The following SLCO1A2 variants were observed in gnomAD, a reference collection of about 807,000 sequenced individuals.
SLCO1A2 encodes the protein solute carrier organic anion transporter family member 1A2, also known as OATP-1.
In SLCO1A2, 67 loss-of-function variants were observed where a neutral mutation model predicts 69.0. That is an observed-to-expected ratio of 0.97 (90% CI 0.80 to 1.19). SLCO1A2 has a LOEUF of 1.19. Among genes scored for constraint, SLCO1A2 ranks in the 50% most tolerant of loss-of-function variants. The pLI is 0.00. For synonymous variants in SLCO1A2, 260 were observed against 265.9 expected (o/e 0.98, Z 0.22); for missense variants, 787 against 793.7 (o/e 0.99, Z 0.10).
intron 12 of SLCO1A2, among the ~76,000 whole-genome samples, chr12:21,286,648 G>A (rs1462375200): frequency 4.6e-5 from 6 of 129,174 alleles, no homozygotes; most frequent in Non-Finnish European, 9.6e-5. Flanking sequence ...CACGGTACTG[G>A]TACCAAAACA....
intron 2 of SLCO1A2, among the ~76,000 whole-genome samples, chr12:21,342,941 C>G (rs1256417391): frequency 6.6e-6 from 1 of 152,016 alleles, no homozygotes; most frequent in Non-Finnish European, 1.5e-5. Flanking sequence ...GGGAAAAGTA[C>G]ACTCAATTTC....
intron 12 of SLCO1A2, among the ~76,000 whole-genome samples, chr12:21,279,392 T>C (rs1448720009): frequency 6.6e-6 from 1 of 152,064 alleles, no homozygotes; most frequent in African/African-American, 2.4e-5. Context: ...AACCCAAAGA[T>C]TACCTCAAGG....
intron 2 of SLCO1A2, among the ~76,000 whole-genome samples, chr12:21,364,785 C>T (rs373420554): frequency 6.6e-6 from 1 of 152,252 alleles, no homozygotes; most frequent in East Asian, 1.9e-4. Flanking sequence ...CATGAGTGAA[C>T]TCCATTCACA....
At chr12:21,297,263 C>T in intron 9 of SLCO1A2, 141 bp downstream of exon 9, 2 of 435,668 alleles carry the variant, frequency 4.6e-6, no homozygotes, top group Non-Finnish European at 8.0e-6. Context: ...TTCTTTCTTT[C>T]TTTCTTGAGA....
chr12:21,328,547 C>T (rs1055524029), intron 2 of SLCO1A2, among the ~76,000 whole-genome samples: 5 of 152,060 alleles, frequency 3.3e-5, no homozygotes, highest in African/African-American at 4.8e-5. Flanking sequence ...ATTCTCCTGG[C>T]GTGAGCAGGT....
chr12:21,382,007 A>G (rs1025361921), intron 1 of SLCO1A2, among the ~76,000 whole-genome samples: 13 of 152,206 alleles, frequency 8.5e-5, no homozygotes, highest in Non-Finnish European at 1.6e-4. Flanking sequence ...CAGTGATTAT[A>G]TGAAAAACAC....
chr12:21,334,709 C>G lies in SLCO1A2; in HGVS notation c.-62G>C, dbSNP rs1381593416. ...AAATCTTGATATGTCTTACTTCTACCCTTTCAAGCAAACAAAAAAATATGT... is the reference window on the plus strand; with the variant it reads ...AAATCTTGATATGTCTTACTTCTACGCTTTCAAGCAAACAAAAAAATATGT... On this transcript the variant is annotated splice_region_variant and 5_prime_UTR_variant, in exon 2 of 15. Transcript: ENST00000683939. 7.3e-7 allele frequency: 1 copy of G among 1,361,970 alleles called. No homozygotes were observed. The highest frequency in any genetic ancestry group is 1.3e-5 in the South Asian group (1 of 76,262). The allele number at this position is 1,361,970 out of a possible 1,614,324, so 84.4% of individuals were successfully genotyped here. A position where few individuals can be genotyped will look rare whatever the true frequency, so the allele number is the denominator to read the frequency against.
At chr12:21,310,731 T>C (rs1342655350) in intron 4 of SLCO1A2, among the ~76,000 whole-genome samples, 2 of 152,170 alleles carry the variant, frequency 1.3e-5, no homozygotes, top group Non-Finnish European at 2.9e-5. Flanking sequence ...GCCTCCTGAG[T>C]AGCTGGGACT....
chr12:21,370,584 G>A (rs866565570), intron 2 of SLCO1A2, among the ~76,000 whole-genome samples: 6 of 149,502 alleles, frequency 4.0e-5, no homozygotes, highest in South Asian at 2.1e-4. Flanking sequence ...GCAGTGTTTC[G>A]ATAGAAGATT....
intron 4 of SLCO1A2, among the ~76,000 whole-genome samples, chr12:21,308,618 A>T (rs868348527): frequency 6.6e-6 from 1 of 152,180 alleles, no homozygotes. Flanking sequence ...GTATTAAGTT[A>T]AAAAAATCTA....
chr12:21,359,696 G>A (rs371119220), intron 2 of SLCO1A2, among the ~76,000 whole-genome samples: 26 of 150,960 alleles, frequency 1.7e-4, no homozygotes, highest in African/African-American at 5.8e-4. Flanking sequence ...GCAGTGAGCC[G>A]AGATCGTGCC....
At chr12:21,306,796 C>A in intron 5 of SLCO1A2, 86 bp downstream of exon 5, 3 of 792,378 alleles carry the variant, frequency 3.8e-6, no homozygotes, top group Non-Finnish European at 4.2e-6. Flanking sequence ...TTATCTAACT[C>A]AATCAATATC....
intron 14 of SLCO1A2, among the ~76,000 whole-genome samples, chr12:21,270,533 G>T (rs892555221): frequency 6.6e-6 from 1 of 151,490 alleles, no homozygotes; most frequent in African/African-American, 2.4e-5. Flanking sequence ...CCCTTTTTCT[G>T]TTTCTGAGAA....
At chr12:21,321,102 C>T (rs1187839675) in intron 2 of SLCO1A2, among the ~76,000 whole-genome samples, 2 of 152,184 alleles carry the variant, frequency 1.3e-5, no homozygotes, top group African/African-American at 4.8e-5. Context: ...AATCCACAAG[C>T]TATGTCTGAA....
intron 5 of SLCO1A2, among the ~76,000 whole-genome samples, chr12:21,305,609 T>G (rs1949267713): frequency 6.6e-6 from 1 of 152,234 alleles, no homozygotes. Context: ...TCCACCTTCC[T>G]GGAGATGTGC....
intron 2 of SLCO1A2, among the ~76,000 whole-genome samples, chr12:21,366,048 G>C (rs922030138): frequency 1.3e-5 from 2 of 152,076 alleles, no homozygotes; most frequent in African/African-American, 4.8e-5. Context: ...CCCATTACTG[G>C]GCATATACCC....
At position 21,292,352 on chromosome 12, in the gene SLCO1A2, A is replaced by G. The variant is rs11568575; in HGVS notation, c.1438-16T>C. The G allele has an allele frequency of 1.1e-3, 1,792 of 1,597,392 alleles. 22 individuals are homozygous for G. The African/African-American group carries it at 0.021, about 18-fold the overall frequency. On this transcript the variant is annotated splice_polypyrimidine_tract_variant and intron_variant, in intron 11 of 14. Transcript: ENST00000683939. ...TTTGGAACACCTGCCAAAAAATAACATATTATACTAAGAAGTAAAAATCTT... is the reference window on the plus strand; with the variant it reads ...TTTGGAACACCTGCCAAAAAATAACGTATTATACTAAGAAGTAAAAATCTT...
intron 1 of SLCO1A2, among the ~76,000 whole-genome samples, chr12:21,394,548 A>AACGC (rs1555130410): frequency 1.9e-5 from 2 of 104,768 alleles, no homozygotes; most frequent in Non-Finnish European, 4.3e-5. Context: ...TCTCAAAAAT[A>AACGC]ACACACGCAC....
At chr12:21,306,812 C>G (rs986008525) in intron 5 of SLCO1A2, 70 bp downstream of exon 5, 1 of 943,802 alleles carries the variant, frequency 1.1e-6, no homozygotes, top group Non-Finnish European at 1.7e-6. Context: ...ATATCTCATT[C>G]AAGCCCCTCA....
Sources: allele counts gnomAD v4.1 joint callset (sites outside exome capture counted in the v4.1 genomes callset), GRCh38; gene constraint gnomAD v4.1.1; transcripts MANE v1.5; gene names NCBI Gene and HGNC (gene_info 2026-07-23, HGNC 2026-07-21).